The following ALB variants were observed in gnomAD, a reference collection of about 807,000 sequenced individuals.
The protein encoded by ALB is serum albumin.
In ALB, 37 loss-of-function variants were observed where a neutral mutation model predicts 74.5. The observed-to-expected ratio is 0.50, with a 90% CI of 0.38 to 0.65. ALB has a LOEUF of 0.65. ALB is among the 30% of genes least tolerant of loss of function. ALB has a pLI of 0.00. For missense variants in ALB, 685 were observed against 718.7 expected, an observed-to-expected ratio of 0.95 and a Z score of 0.54; for synonymous variants, 249 against 251.6, an observed-to-expected ratio of 0.99 and a Z score of 0.10.
At chr4:73,407,276 C>A (rs1046206314) in intron 3 of ALB, among the ~76,000 whole-genome samples, 31 of 152,276 alleles carry the variant, frequency 2.0e-4, no homozygotes, top group African/African-American at 7.5e-4. Context: ...CGTCCTCCCC[C>A]AGCCACTGGC....
chr4:73,406,202 T>A (rs1476423731), intron 2 of ALB, among the ~76,000 whole-genome samples: 1 of 152,176 alleles, frequency 6.6e-6, no homozygotes, highest in Non-Finnish European at 1.5e-5. Flanking sequence ...AAGGCTACAG[T>A]GAGCCATGAT....
At position 73,421,187 on chromosome 4, in the gene ALB, A is replaced by G. The variant is rs564810543; in HGVS notation, c.*119A>G. 6.0e-5 allele frequency: 39 copies of G among 655,014 alleles called. No individual in the cohort carries two copies. The African/African-American group carries it at 6.8e-4, about 11-fold the overall frequency. The allele number at this position is 655,014 out of a possible 1,614,324, so 40.6% of individuals were successfully genotyped here. ...GTAAAGCCAACACCCTGTCTAAAAA[A>G]CATAAATTTCTTTAATCATTTTGCC... On this transcript the variant is annotated 3_prime_UTR_variant, in exon 15 of 15. Transcript: ENST00000295897.
chr4:73,415,258 C>T (rs1718985533), intron 9 of ALB, 91 bp downstream of exon 9: 4 of 1,448,978 alleles, frequency 2.8e-6, no homozygotes, highest in Non-Finnish European at 3.8e-6. Flanking sequence ...AAATGATATA[C>T]AGTGCAATTT....
intron 2 of ALB, 116 bp downstream of exon 2, chr4:73,405,289 T>A (rs921830522): frequency 2.3e-6 from 2 of 873,002 alleles, no homozygotes; most frequent in African/African-American, 1.7e-5. Flanking sequence ...TGCTGCCTCG[T>A]AGAGTTTTCT....
intron 3 of ALB, among the ~76,000 whole-genome samples, chr4:73,407,273 C>G (rs945106751): frequency 6.6e-6 from 1 of 152,060 alleles, no homozygotes; most frequent in East Asian, 1.9e-4. Flanking sequence ...TTTCGTCCTC[C>G]CCCAGCCACT....
At chr4:73,417,450 T>A in intron 10 of ALB, 81 bp from the exon 11 acceptor site, 7 of 1,529,400 alleles carry the variant, frequency 4.6e-6, no homozygotes, top group Non-Finnish European at 6.3e-6. Flanking sequence ...CTTAGTTGAT[T>A]CCGGCCAAGT....
At chr4:73,419,455 C>A (rs925332542) in intron 12 of ALB, 52 bp from the exon 13 acceptor site, 2 of 1,563,846 alleles carry the variant, frequency 1.3e-6, no homozygotes, top group Admixed American at 1.8e-5. Flanking sequence ...TTTTTCTATA[C>A]GTGAGTAATG....
At position 73,416,289 on chromosome 4, in the gene ALB, C is replaced by T. The variant is rs75946332; in HGVS notation, c.1225C>T (p.Gln409Ter). 6.2e-7 allele frequency: 1 copy of T among 1,613,598 alleles called. No homozygotes were observed. The highest frequency in any genetic ancestry group is 8.5e-7 in the Non-Finnish European group (1 of 1,179,714). Residue 409 changes from glutamine (Q) to a stop codon, truncating the protein, a stop_gained, in exon 10 of 15, where the codon CAG becomes TAG. Coordinates refer to ENST00000295897, the MANE Select transcript of ALB (RefSeq NM_000477.7). LOFTEE classifies it high-confidence loss of function. ...DEFKPLVEEP[Q>*]NLIKQNCELF... Reference sequence around the variant, plus strand: ...ATTTAAACCTCTTGTGGAAGAGCCTCAGAATTTAATCAAACAAAATTGTGA... The same window carrying T: ...ATTTAAACCTCTTGTGGAAGAGCCTTAGAATTTAATCAAACAAAATTGTGA...
chr4:73,411,857 C>A, intron 6 of ALB, 139 bp from the exon 7 acceptor site: 2 of 1,074,216 alleles, frequency 1.9e-6, no homozygotes, highest in Non-Finnish European at 2.7e-6. Context: ...CCATTTGGTT[C>A]AGAACTAGAA....
rs747429727 is a variant in ALB, at chr4:73,418,223, G to A, written c.1564G>A (p.Val522Ile). 6 of 1,614,088 alleles carry A rather than the reference G, an allele frequency of 3.7e-6. No homozygotes were observed. The highest frequency in any genetic ancestry group is 1.1e-5 in the South Asian group (1 of 91,076). ...FSALEVDETYVPKEFNAETFT... is the reference protein window; with the variant it reads ...FSALEVDETYIPKEFNAETFT... Reference sequence around the variant, plus strand: ...AGCTCTGGAAGTCGATGAAACATACGTTCCCAAAGAGTTTAATGCTGAAAC... The same window carrying A: ...AGCTCTGGAAGTCGATGAAACATACATTCCCAAAGAGTTTAATGCTGAAAC... The change falls in exon 12 of 15, where the codon GTT (valine) becomes ATT (isoleucine). Residue 522 changes from valine to isoleucine, a missense_variant. Val to Ile is a conservative substitution (Grantham distance 29). Coordinates refer to ENST00000295897, the MANE Select transcript of ALB (RefSeq NM_000477.7).
chr4:73,406,594 T>A, intron 2 of ALB, 35 bp from the exon 3 acceptor site: 1 of 1,610,516 alleles, frequency 6.2e-7, no homozygotes, highest in African/African-American at 1.3e-5. Flanking sequence ...ATTAAAGTTT[T>A]ATTATACTAC....
rs75920790 is a variant in ALB at position 73,418,211 on chromosome 4, G to A, written c.1552G>A (p.Asp518Asn). The A allele has an allele frequency of 3.8e-5, 61 of 1,614,000 alleles. No homozygotes were observed. Among genetic ancestry groups the A allele is most frequent in the Non-Finnish European group, 4.7e-5 (55 of 1,180,006 alleles). The change falls in exon 12 of 15, where the codon GAT (aspartate) becomes AAT (asparagine). Residue 518 changes from aspartate (D) to asparagine (N), a missense_variant. Asp to Asn is a conservative substitution (Grantham distance 23). Coordinates refer to ENST00000295897, the MANE Select transcript of ALB (RefSeq NM_000477.7). ...ACCATGCTTTTCAGCTCTGGAAGTCGATGAAACATACGTTCCCAAAGAGTT... is the reference window on the plus strand; with the variant it reads ...ACCATGCTTTTCAGCTCTGGAAGTCAATGAAACATACGTTCCCAAAGAGTT... The part of the protein sequence containing the change: ...RRPCFSALEV[D>N]ETYVPKEFNA...
Position 73,418,282 on chromosome 4 carries a change from T to C in ALB, c.1623T>C (p.Ser541=). 6.2e-7 allele frequency: 1 copy of C among 1,613,974 alleles called. No individual in the cohort carries two copies. Among genetic ancestry groups the C allele is most frequent in the Non-Finnish European group, 8.5e-7 (1 of 1,179,958 alleles). ...TCCATGCAGATATATGCACACTTTC[T>C]GAGAAGGAGAGACAAATCAAGAAAC... is the stretch of plus-strand genomic sequence containing the variant. The part of the protein sequence containing the change: ...FTFHADICTL[S]EKERQIKKQT... Residue 541 remains serine, a synonymous_variant, in exon 12 of 15, where the codon TCT becomes TCC. Transcript: ENST00000295897.
chr4:73,409,360 T>C lies in ALB; in HGVS notation c.488T>C (p.Leu163Ser). 1 of 1,613,654 alleles carries C rather than the reference T, an allele frequency of 6.2e-7. No individual in the cohort carries two copies. The highest frequency in any genetic ancestry group is 8.5e-7 in the Non-Finnish European group (1 of 1,179,630). Residue 163 changes from leucine (L) to serine (S), a missense_variant, in exon 5 of 15, where the codon TTA (leucine) becomes TCA (serine). By Grantham distance (145) the Leu-to-Ser change is moderately radical (BLOSUM62 -2). Transcript: ENST00000295897. Reference sequence around the variant, plus strand: ...TTTTCTTTTTCAAAATTTAGATACTTATATGAAATTGCCAGAAGACATCCT... The same window carrying C: ...TTTTCTTTTTCAAAATTTAGATACTCATATGAAATTGCCAGAAGACATCCT... ...DNEETFLKKY[L>S]YEIARRHPYF... is the part of the protein sequence containing the mutation.
intron 1 of ALB, among the ~76,000 whole-genome samples, chr4:73,404,644 A>G (rs1718673980): frequency 6.6e-6 from 1 of 152,120 alleles, no homozygotes; most frequent in Admixed American, 6.5e-5. Context: ...CGCACTAAGG[A>G]AAGTGCAAAG....
In ALB at chr4:73,417,511, A is replaced by C; in HGVS notation, c.1290-20A>C. 6.2e-7 allele frequency: 1 copy of C among 1,613,984 alleles called. No individual in the cohort carries two copies. Among genetic ancestry groups the C allele is most frequent in the Non-Finnish European group, 8.5e-7 (1 of 1,179,904 alleles). ...GACAGTTTCTTGCCTTGCTGAAAAC[A>C]CATGACTTCTTTTTTTCAGGCTATT... On this transcript the variant is annotated intron_variant, in intron 10 of 14. Coordinates refer to ENST00000295897, the MANE Select transcript of ALB (RefSeq NM_000477.7).
rs1161863573 is a variant in ALB at position 73,416,482 on chromosome 4, G to C, written c.1289+129G>C. ...CATATTTCTAATCACTCTTTGTCAA[G>C]AAAGATAGGAGAGGAGAGATAAAAT... On this transcript the variant is annotated intron_variant, in intron 10 of 14. Coordinates refer to ENST00000295897, the MANE Select transcript of ALB (RefSeq NM_000477.7). 5.4e-6 allele frequency: 4 copies of C among 735,594 alleles called. No individual in the cohort carries two copies. In the East Asian group the frequency reaches 8.4e-5, roughly 16 times the overall value. 45.6% of individuals were successfully genotyped at this position (735,594 alleles called of 1,614,324 possible).
rs553549691 is a variant in ALB at position 73,417,657 on chromosome 4, T to C, written c.1416T>C (p.Cys472=). 3.7e-6 allele frequency: 6 copies of C among 1,612,464 alleles called. No homozygotes were observed. In the African/African-American group the frequency reaches 5.3e-5, roughly 14 times the overall value. ...ATCCTGAAGCAAAAAGAATGCCCTG[T>C]GCAGAAGACTATGTGAGTCTTTAAA... ...CKHPEAKRMP[C]AEDYLSVVLN... Residue 472 remains cysteine (C), a synonymous_variant, in exon 11 of 15, where the codon TGT becomes TGC. Coordinates refer to ENST00000295897, the MANE Select transcript of ALB (RefSeq NM_000477.7).
chr4:73,419,530 A>G lies in ALB; in HGVS notation c.1676A>G (p.His559Arg). ...AGTGCACTTGTTGAGCTCGTGAAACACAAGCCCAAGGCAACAAAAGAGCAA... is the reference window on the plus strand; with the variant it reads ...AGTGCACTTGTTGAGCTCGTGAAACGCAAGCCCAAGGCAACAAAAGAGCAA... ...KQTALVELVK[H>R]KPKATKEQLK... The change falls in exon 13 of 15, where the codon CAC becomes CGC. Residue 559 changes from histidine to arginine, a missense_variant. Coordinates refer to ENST00000295897, the MANE Select transcript of ALB (RefSeq NM_000477.7). 1 of 1,613,192 alleles carries G rather than the reference A, an allele frequency of 6.2e-7. No individual in the cohort carries two copies. Among genetic ancestry groups the G allele is most frequent in the Non-Finnish European group, 8.5e-7 (1 of 1,179,816 alleles).
Sources: gnomAD v4.1 joint callset for allele counts (sites outside exome capture counted in the v4.1 genomes callset) on GRCh38, gnomAD v4.1.1 for gene constraint, MANE v1.5 for transcripts, NCBI Gene and HGNC (gene_info 2026-07-23, HGNC 2026-07-21) for gene names.